The following AMD1 variants were observed in gnomAD, a reference collection of about 807,000 sequenced individuals.
AMD1 encodes S-adenosylmethionine decarboxylase proenzyme.
A neutral mutation model predicts 40.2 loss-of-function variants in AMD1; 11 were observed. The ratio of observed to expected loss-of-function variants is 0.27; its 90% confidence interval spans 0.17 to 0.45. The LOEUF (loss-of-function observed/expected upper bound fraction) is 0.45. Ranked by LOEUF, AMD1 falls within the 20% of genes least tolerant of loss-of-function variation. The pLI, the probability that AMD1 is intolerant of heterozygous loss-of-function variation, is 1.00. For synonymous variants in AMD1, 121 were observed against 130.8 expected (o/e 0.93, Z 0.51); for missense variants, 257 against 410.2 (o/e 0.63, Z 3.23).
the AMD1 span, among the ~76,000 whole-genome samples, chr6:110,859,684 T>C: frequency 2.0e-5 from 3 of 152,166 alleles, no homozygotes; most frequent in African/African-American, 7.2e-5. Context: ...GTGGCTGCAT[T>C]TCCCTAGAAC....
In AMD1 at chr6:110,875,054, T is replaced by C. The variant is rs200485358; in HGVS notation, c.-52T>C. On this transcript the variant is annotated 5_prime_UTR_variant, in exon 1 of 9. Transcript: ENST00000368885. The stretch of plus-strand genomic sequence containing the variant: ...GCGGCGGCAGCGGCGGGAGAAGAGG[T>C]TTAATTTAGTTGATTTTCTGTGGTT... 2 of 1,407,262 alleles carry C rather than the reference T, an allele frequency of 1.4e-6. No individual in the cohort carries two copies. Among genetic ancestry groups the C allele is most frequent in the Non-Finnish European group, 2.0e-6 (2 of 1,024,122 alleles). The allele number at this position is 1,407,262 out of a possible 1,614,324, so 87.2% of individuals were successfully genotyped here. A position where few individuals can be genotyped will look rare whatever the true frequency, so the allele number is the denominator to read the frequency against.
the AMD1 span, among the ~76,000 whole-genome samples, chr6:110,834,366 T>C: frequency 6.6e-6 from 1 of 152,034 alleles, no homozygotes; most frequent in African/African-American, 2.4e-5. Flanking sequence ...TATTCTAGCA[T>C]GTTTATATGA....
upstream of AMD1, among the ~76,000 whole-genome samples, chr6:110,870,149 C>T (rs1784888780): frequency 6.6e-6 from 1 of 152,204 alleles, no homozygotes; most frequent in Non-Finnish European, 1.5e-5. Context: ...AACAATCACC[C>T]AGCTGAGGGT....
chr6:110,851,437 T>C, the AMD1 span, among the ~76,000 whole-genome samples: 1 of 151,372 alleles, frequency 6.6e-6, no homozygotes, highest in Admixed American at 6.6e-5. Context: ...GGGTTTTTTG[T>C]TTGTTTTTGT....
chr6:110,883,782 A>G (rs1785533880), intron 1 of AMD1, among the ~76,000 whole-genome samples: 1 of 151,330 alleles, frequency 6.6e-6, no homozygotes, highest in Admixed American at 6.6e-5. Flanking sequence ...TATTTTTAGT[A>G]GAGACGGGGT....
At chr6:110,874,602 G>T (rs1163793586), upstream of AMD1, among the ~76,000 whole-genome samples, 3 of 152,194 alleles carry the variant, frequency 2.0e-5, no homozygotes, top group African/African-American at 7.2e-5. Context: ...CAGAGCCCGA[G>T]CCGCAGCGCA....
chr6:110,819,495 G>A, the AMD1 span, among the ~76,000 whole-genome samples: 1 of 152,156 alleles, frequency 6.6e-6, no homozygotes, highest in Admixed American at 6.6e-5. Flanking sequence ...CTAAAGGAGA[G>A]GGAAGAATCC....
the AMD1 span, among the ~76,000 whole-genome samples, chr6:110,823,816 A>G: frequency 6.6e-6 from 1 of 152,224 alleles, no homozygotes; most frequent in African/African-American, 2.4e-5. Context: ...TAACCAAGGA[A>G]GTGAGAGATC....
At chr6:110,840,556 G>T in the AMD1 span, among the ~76,000 whole-genome samples, 5 of 152,068 alleles carry the variant, frequency 3.3e-5, no homozygotes, top group Non-Finnish European at 5.9e-5. Context: ...GTGGGGGAAG[G>T]GGCTCAGAGC....
At chr6:110,874,596 G>C (rs979091450), upstream of AMD1, among the ~76,000 whole-genome samples, 5 of 152,316 alleles carry the variant, frequency 3.3e-5, no homozygotes, top group African/African-American at 1.2e-4. Flanking sequence ...GCCGGCCAGA[G>C]CCCGAGCCGC....
the AMD1 span, among the ~76,000 whole-genome samples, chr6:110,862,215 G>T: frequency 3.3e-5 from 5 of 150,840 alleles, no homozygotes; most frequent in Non-Finnish European, 7.4e-5. Context: ...TCATTATGTT[G>T]CCCAGTCTCC....
chr6:110,858,201 T>C, the AMD1 span: 1 of 722,630 alleles, frequency 1.4e-6, no homozygotes, highest in South Asian at 1.5e-5. Context: ...AGGCCGTCTG[T>C]TTCGTCCCAT....
At chr6:110,849,932 G>A in the AMD1 span, among the ~76,000 whole-genome samples, 10 of 151,876 alleles carry the variant, frequency 6.6e-5, no homozygotes, top group East Asian at 1.9e-4. Flanking sequence ...GGTGGGGGGC[G>A]GGGAATCTCT....
At position 110,893,453 on chromosome 6, in the gene AMD1, G is replaced by A. The variant is rs181741442; in HGVS notation, c.865-23G>A. The stretch of plus-strand genomic sequence containing the variant: ...ACTTCTCTGGATTGCAAACACTAAC[G>A]GTTATTTAATTTTTTCCCCCAGAGT... On this transcript the variant is annotated intron_variant, in intron 8 of 8. Transcript: ENST00000368885. 1.2e-4 allele frequency: 198 copies of A among 1,611,836 alleles called. No homozygotes were observed. In the African/African-American group the frequency reaches 1.8e-3, roughly 15 times the overall value.
chr6:110,881,824 CAAA>C (rs11436863), intron 1 of AMD1, among the ~76,000 whole-genome samples: 1 of 138,968 alleles, frequency 7.2e-6, no homozygotes, highest in East Asian at 2.0e-4. Flanking sequence ...GACTGCATCT[CAAA>C]AAAAAAAAAA....
At chr6:110,835,899 C>A in the AMD1 span, among the ~76,000 whole-genome samples, 1 of 149,612 alleles carries the variant, frequency 6.7e-6, no homozygotes, top group South Asian at 2.1e-4. Context: ...TCAGTCCCAG[C>A]TACTTGGGAG....
the AMD1 span, among the ~76,000 whole-genome samples, chr6:110,862,458 G>T: frequency 1.4e-5 from 2 of 143,392 alleles, no homozygotes; most frequent in South Asian, 2.2e-4. Flanking sequence ...TTCCTTTTTT[G>T]CCTATTTACT....
chr6:110,889,451 T>C (rs1963644), intron 3 of AMD1: 120,181 of 152,360 alleles, frequency 0.79, 48,078 homozygotes, highest in Middle Eastern at 0.87. Context: ...TATTTATTTT[T>C]TATTTTTTTG....
Position 110,893,967 on chromosome 6 carries a change from A to C in AMD1, c.*351A>C. The C allele has an allele frequency of 4.7e-6, 1 of 213,148 alleles. No individual in the cohort carries two copies. 13.2% of individuals were successfully genotyped at this position (213,148 alleles called of 1,614,324 possible). On this transcript the variant is annotated 3_prime_UTR_variant, in exon 9 of 9. Transcript: ENST00000368885. ...TAATATTTCTCCAAGTATCATCCAA[A>C]ATTCCCCACAGACAAGGCTTTCGTC...
Sources: allele counts gnomAD v4.1 joint callset (sites outside exome capture counted in the v4.1 genomes callset), GRCh38; gene constraint gnomAD v4.1.1; transcripts MANE v1.5; gene names NCBI Gene and HGNC (gene_info 2026-07-23, HGNC 2026-07-21).